Variants in MAGI3 observed in about 807,000 individuals in gnomAD.
MAGI3 encodes the protein membrane associated guanylate kinase, WW and PDZ domain containing 3.
In MAGI3, 43 loss-of-function variants were observed where a neutral mutation model predicts 121.8. That is an observed-to-expected ratio of 0.35 (90% CI 0.28 to 0.46). The LOEUF is 0.46. Among genes scored for constraint, MAGI3 ranks in the 20% least tolerant of loss-of-function variants. The probability of loss-of-function intolerance (pLI) is 1.00; values close to 1 mark genes in which losing one functional copy is unlikely to be tolerated. For missense variants in MAGI3, 1,547 were observed against 1,797.3 expected (o/e 0.86, Z 2.52); for synonymous variants, 553 against 639.3 (o/e 0.86, Z 2.04).
intron 20 of MAGI3, 71 bp from the exon 21 acceptor site, chr1:113,682,826 A>C: frequency 6.8e-7 from 1 of 1,463,158 alleles, no homozygotes; most frequent in Non-Finnish European, 9.0e-7. Context: ...ATGGCTGTCA[A>C]AGTTCAAAAC....
chr1:113,434,186 A>G (rs995276085), intron 1 of MAGI3, among the ~76,000 whole-genome samples: 2 of 152,208 alleles, frequency 1.3e-5, no homozygotes, highest in African/African-American at 2.4e-5. Context: ...CAAAAGAACC[A>G]CTTGCTGAAT....
intron 1 of MAGI3, among the ~76,000 whole-genome samples, chr1:113,462,134 A>G (rs1655067368): frequency 6.6e-6 from 1 of 152,230 alleles, no homozygotes; most frequent in Admixed American, 6.5e-5. Flanking sequence ...TAGTTCAAGC[A>G]TTGTGGAAAG....
intron 9 of MAGI3, among the ~76,000 whole-genome samples, chr1:113,634,471 G>C (rs1345450172): frequency 6.6e-6 from 1 of 152,286 alleles, no homozygotes; most frequent in South Asian, 2.1e-4. Flanking sequence ...AGTTTTCCCA[G>C]CACCATTTAT....
chr1:113,505,178 T>C (rs754432900), intron 1 of MAGI3, among the ~76,000 whole-genome samples: 1 of 152,050 alleles, frequency 6.6e-6, no homozygotes, highest in Non-Finnish European at 1.5e-5. Context: ...AGAATGGAAC[T>C]CAAAGAGCAA....
intron 20 of MAGI3, among the ~76,000 whole-genome samples, chr1:113,682,000 A>ACCTCCTGC (rs1215066109): frequency 6.6e-6 from 1 of 151,238 alleles, no homozygotes; most frequent in Non-Finnish European, 1.5e-5. Flanking sequence ...CTAGCTCCCC[A>ACCTCCTGC]CCTCCTGCCC....
rs564724206 is a variant in MAGI3 at position 113,507,397 on chromosome 1, T to TC, written c.317-42117dup. Among the ~76,000 whole-genome samples the TC allele has an allele frequency of 1.8e-4, 27 of 152,318 alleles. 2 individuals are homozygous for TC. The South Asian group carries it at 5.6e-3, about 32-fold the overall frequency. ...TTATTTCACTAATCTTTTATATTTT[T>TC]CTGTTTTACATGGTATTGAAAAACG... On this transcript the variant is annotated intron_variant, in intron 1 of 20. Transcript: ENST00000307546.
At chr1:113,512,448 G>C (rs865968130) in intron 1 of MAGI3, among the ~76,000 whole-genome samples, 1 of 152,278 alleles carries the variant, frequency 6.6e-6, no homozygotes. Flanking sequence ...ACAGATCTTT[G>C]TGTTCTTTTT....
At chr1:113,524,595 C>T (rs546584850) in intron 1 of MAGI3, among the ~76,000 whole-genome samples, 3 of 152,214 alleles carry the variant, frequency 2.0e-5, no homozygotes, top group African/African-American at 7.2e-5. Context: ...TAGCCAATTT[C>T]TCCCATTTGG....
intron 2 of MAGI3, among the ~76,000 whole-genome samples, chr1:113,560,487 G>A (rs968753478): frequency 2.0e-5 from 3 of 151,964 alleles, no homozygotes; most frequent in Admixed American, 6.6e-5. Context: ...ACAACTACAT[G>A]GAAATTGAAC....
At chr1:113,514,265 C>A (rs1486074038) in intron 1 of MAGI3, among the ~76,000 whole-genome samples, 1 of 151,908 alleles carries the variant, frequency 6.6e-6, no homozygotes. Flanking sequence ...CCCAGCCATC[C>A]CATTACTGGG....
At chr1:113,621,477 T>C (rs1650816999) in intron 8 of MAGI3, among the ~76,000 whole-genome samples, 1 of 152,136 alleles carries the variant, frequency 6.6e-6, no homozygotes, top group Admixed American at 6.6e-5. Flanking sequence ...AGTACAACTG[T>C]TGGCAAAATG....
intron 9 of MAGI3, among the ~76,000 whole-genome samples, chr1:113,628,573 C>A (rs1170599804): frequency 6.6e-6 from 1 of 152,108 alleles, no homozygotes; most frequent in Non-Finnish European, 1.5e-5. Context: ...ATTGAAGAAC[C>A]CCCTTTAGCA....
chr1:113,565,435 A>T (rs1324014870), intron 2 of MAGI3, among the ~76,000 whole-genome samples: 2 of 152,056 alleles, frequency 1.3e-5, no homozygotes, highest in Non-Finnish European at 2.9e-5. Context: ...CAGATTTTAG[A>T]TCCGTTTCTT....
chr1:113,646,358 C>A, intron 11 of MAGI3, 128 bp from the exon 12 acceptor site: 1 of 634,130 alleles, frequency 1.6e-6, no homozygotes. Context: ...TGTAAATCTG[C>A]TGTGTCTTTG....
At chr1:113,463,281 G>A (rs1655119138) in intron 1 of MAGI3, among the ~76,000 whole-genome samples, 1 of 151,280 alleles carries the variant, frequency 6.6e-6, no homozygotes, top group African/African-American at 2.4e-5. Flanking sequence ...TGAAGCTTTG[G>A]ATCTAGATGA....
At chr1:113,481,186 A>T (rs950347440) in intron 1 of MAGI3, among the ~76,000 whole-genome samples, 1 of 152,138 alleles carries the variant, frequency 6.6e-6, no homozygotes, top group Non-Finnish European at 1.5e-5. Context: ...CCATTTAGTA[A>T]TGCATATTGC....
At chr1:113,602,120 C>T (rs1362209853) in intron 6 of MAGI3, among the ~76,000 whole-genome samples, 1 of 151,782 alleles carries the variant, frequency 6.6e-6, no homozygotes, top group African/African-American at 2.4e-5. Flanking sequence ...ATACCTAATG[C>T]TAAATGACGA....
intron 16 of MAGI3, among the ~76,000 whole-genome samples, chr1:113,668,398 T>C (rs1451479051): frequency 1.3e-5 from 2 of 152,068 alleles, no homozygotes; most frequent in Admixed American, 1.3e-4. Flanking sequence ...GATAGGCCTG[T>C]TTGACATTAT....
chr1:113,675,327 T>G (rs1213957679), intron 19 of MAGI3, among the ~76,000 whole-genome samples: 1 of 152,084 alleles, frequency 6.6e-6, no homozygotes, highest in Admixed American at 6.5e-5. Flanking sequence ...CCAGACTAGA[T>G]GAACAACAAG....
Sources: gnomAD v4.1 joint callset for allele counts (sites outside exome capture counted in the v4.1 genomes callset) on GRCh38, gnomAD v4.1.1 for gene constraint, MANE v1.5 for transcripts, NCBI Gene and HGNC (gene_info 2026-07-23, HGNC 2026-07-21) for gene names.